Variants in SLC67A1 observed in about 807,000 individuals in gnomAD.
SLC67A1 encodes solute carrier family 67 member 1, also known as solute carrier family 67 member A1.
the SLC67A1 span, chr11:2,921,903 G>C: frequency 1.2e-4 from 71 of 610,982 alleles, no homozygotes; most frequent in African/African-American, 1.3e-3. Flanking sequence ...AGGGATCTCA[G>C]ACCCATCCTG....
At chr11:2,902,741 C>T in the SLC67A1 span, 3 of 985,428 alleles carry the variant, frequency 3.0e-6, no homozygotes, top group Non-Finnish European at 3.6e-6. Context: ...TACTGGGGAG[C>T]CTGGAAGGCT....
At chr11:2,909,605 C>G in the SLC67A1 span, 2 of 1,531,300 alleles carry the variant, frequency 1.3e-6, no homozygotes, top group South Asian at 1.2e-5. Flanking sequence ...ACGGACCTGT[C>G]GGCACCCGAG....
the SLC67A1 span, among the ~76,000 whole-genome samples, chr11:2,911,538 C>A: frequency 2.0e-5 from 3 of 152,088 alleles, no homozygotes; most frequent in Admixed American, 1.3e-4. Context: ...GAGCACTGGG[C>A]CCCAGCAGGT....
At chr11:2,924,842 G>A in the SLC67A1 span, among the ~76,000 whole-genome samples, 1 of 152,198 alleles carries the variant, frequency 6.6e-6, no homozygotes, top group African/African-American at 2.4e-5. This position sits in a 1 kb window ranked among gnomAD's most constrained non-coding sequence, Gnocchi z 8.6. Context: ...GCTGGCAGGT[G>A]GAAAGGATGG....
the SLC67A1 span, among the ~76,000 whole-genome samples, chr11:2,900,902 C>G: frequency 6.6e-6 from 1 of 152,136 alleles, no homozygotes; most frequent in Non-Finnish European, 1.5e-5. Flanking sequence ...GGGCATGGAG[C>G]AGGACCCTCC....
At chr11:2,910,301 C>T in the SLC67A1 span, among the ~76,000 whole-genome samples, 2 of 152,128 alleles carry the variant, frequency 1.3e-5, no homozygotes, top group African/African-American at 4.8e-5. Context: ...AATACAGCGG[C>T]AGACAACACA....
the SLC67A1 span, chr11:2,916,797 A>G: frequency 1.9e-5 from 28 of 1,485,232 alleles, no homozygotes; most frequent in East Asian, 2.5e-4. Flanking sequence ...GGCATTGGCT[A>G]GGCCTGCGTG....
chr11:2,904,748 G>A, the SLC67A1 span, among the ~76,000 whole-genome samples: 9 of 152,222 alleles, frequency 5.9e-5, no homozygotes, highest in Non-Finnish European at 1.3e-4. Flanking sequence ...ACGCACAGGG[G>A]CTGCAGTGGG....
At chr11:2,918,317 C>T in the SLC67A1 span, among the ~76,000 whole-genome samples, 4 of 152,286 alleles carry the variant, frequency 2.6e-5, no homozygotes, top group African/African-American at 9.6e-5. Flanking sequence ...GGCAGAGGGC[C>T]TGGCTCGCAG....
At chr11:2,899,725 A>T in the SLC67A1 span, 2 of 1,413,950 alleles carry the variant, frequency 1.4e-6, no homozygotes, top group Non-Finnish European at 9.2e-7. Flanking sequence ...GTTCATGACA[A>T]AAAAAAAGGT....
At chr11:2,922,820 G>A in the SLC67A1 span, among the ~76,000 whole-genome samples, 776 of 152,282 alleles carry the variant, frequency 5.1e-3, 8 homozygotes, top group African/African-American at 0.018. Flanking sequence ...GGGGCTGCCC[G>A]CAGGTGGCAG....
chr11:2,916,240 C>G, the SLC67A1 span: 1 of 196,540 alleles, frequency 5.1e-6, no homozygotes, highest in Non-Finnish European at 1.0e-5. Flanking sequence ...GAGCCCCTCC[C>G]AGGGACATGC....
At chr11:2,919,652 C>T in the SLC67A1 span, 1 of 543,868 alleles carries the variant, frequency 1.8e-6, no homozygotes, top group African/African-American at 1.9e-5. Context: ...TCTGTGGCAG[C>T]CCACCTGCCC....
At chr11:2,901,648 C>A in the SLC67A1 span, among the ~76,000 whole-genome samples, 1 of 152,232 alleles carries the variant, frequency 6.6e-6, no homozygotes, top group Admixed American at 6.5e-5. Flanking sequence ...TACCTGTGTG[C>A]TGGCATCTCT....
At chr11:2,908,766 G>A in the SLC67A1 span, among the ~76,000 whole-genome samples, 3 of 152,306 alleles carry the variant, frequency 2.0e-5, no homozygotes, top group Admixed American at 6.5e-5. Context: ...AGAGCAACCC[G>A]TAGGCAGAAA....
the SLC67A1 span, chr11:2,920,197 C>T: frequency 6.6e-6 from 1 of 152,296 alleles, no homozygotes; most frequent in Admixed American, 6.5e-5. Context: ...AGCCTCTGGG[C>T]CCAGGACTAG....
the SLC67A1 span, among the ~76,000 whole-genome samples, chr11:2,913,403 A>G: frequency 6.6e-6 from 1 of 151,990 alleles, no homozygotes; most frequent in African/African-American, 2.4e-5. Flanking sequence ...CTCAGAGCCC[A>G]TTTGGGGCAG....
the SLC67A1 span, chr11:2,922,177 G>T: frequency 6.2e-7 from 1 of 1,613,664 alleles, no homozygotes. Flanking sequence ...CAGCGTGCTG[G>T]TCTTCATCGT....
chr11:2,923,727 C>T, the SLC67A1 span, among the ~76,000 whole-genome samples: 3 of 152,182 alleles, frequency 2.0e-5, no homozygotes, highest in Non-Finnish European at 4.4e-5. This position sits in a 1 kb window ranked among gnomAD's most constrained non-coding sequence, Gnocchi z 6.5. Flanking sequence ...AGATGAGGAC[C>T]CGGCCTGGCT....
Sources: gnomAD v4.1 joint callset for allele counts (sites outside exome capture counted in the v4.1 genomes callset) on GRCh38, gnomAD v4.1.1 for gene constraint, Gnocchi (gnomAD v3.1) non-coding constraint, MANE v1.5 for transcripts, NCBI Gene and HGNC (gene_info 2026-07-23, HGNC 2026-07-21) for gene names.